The following FGF14 variants were observed in gnomAD, a reference collection of about 807,000 sequenced individuals.
The protein encoded by FGF14 is fibroblast growth factor 14, also known as fibroblast growth factor homologous factor 4.
In FGF14, 5 loss-of-function variants were observed where a neutral mutation model predicts 25.5. That is an observed-to-expected ratio of 0.20 (90% CI 0.10 to 0.41). The LOEUF (loss-of-function observed/expected upper bound fraction) is 0.41. FGF14 is among the 10% of genes least tolerant of loss of function. FGF14 has a pLI of 1.00. For synonymous variants in FGF14, 138 were observed against 118.3 expected, an observed-to-expected ratio of 1.17 and a Z score of -1.08; for missense variants, 222 against 320.1, an observed-to-expected ratio of 0.69 and a Z score of 2.34.
intron 1 of FGF14, among the ~76,000 whole-genome samples, chr13:101,986,621 G>A (rs1443847077): frequency 2.0e-5 from 3 of 152,026 alleles, no homozygotes; most frequent in African/African-American, 2.4e-5. Context: ...TTAAAAATGA[G>A]GCTTAGAAAA....
rs531838822 is a variant in FGF14, at chr13:101,933,214, C to T, written c.209-57918G>A. On this transcript the variant is annotated intron_variant, in intron 1 of 4. Transcript: ENST00000376131. ...ATCCATTAAAACTAACCAAAGTTAT[C>T]GATATCCCTTTTCTTGGCCTCTTTG... Among the ~76,000 whole-genome samples, 93 of 152,224 alleles carry T rather than the reference C, an allele frequency of 6.1e-4. No individual in the cohort carries two copies. The Middle Eastern group carries it at 0.014, about 22-fold the overall frequency.
intron 3 of FGF14, among the ~76,000 whole-genome samples, chr13:101,787,975 G>T (rs1220594861): frequency 6.6e-6 from 1 of 152,164 alleles, no homozygotes; most frequent in Non-Finnish European, 1.5e-5. Flanking sequence ...AGGTTCAAGT[G>T]ATTCTCCGGC....
rs111624082 is a variant in FGF14 at position 102,327,810 on chromosome 13, A to G, written c.208+73661T>C. Among the ~76,000 whole-genome samples, 456 of 152,000 alleles carry G rather than the reference A, an allele frequency of 3.0e-3. 2 individuals carry two copies. Among genetic ancestry groups the G allele is most frequent in the African/African-American group, 0.01 (433 of 41,470 alleles). ...GCCATGGTGGTGCCACTGCACCCCA[A>G]TCTGACAGAGTGAGACCATGTCTCC... On this transcript the variant is annotated intron_variant, in intron 1 of 4. Transcript: ENST00000376131.
chr13:101,716,259 G>A lies in FGF14; in HGVS notation c.*6572C>T, dbSNP rs2034717924. ...GACAATGAAGACAAGCACACAGGAG[G>A]TAGAATATCAGAGTGGGGCTGGATC... On this transcript the variant is annotated 3_prime_UTR_variant, in exon 5 of 5. Transcript: ENST00000376143. 1 of 152,108 alleles carries A rather than the reference G, an allele frequency of 6.6e-6. No homozygotes were observed. The highest frequency in any genetic ancestry group is 1.5e-5 in the Non-Finnish European group (1 of 68,020). 9.4% of individuals were successfully genotyped at this position (152,108 alleles called of 1,614,324 possible).
intron 3 of FGF14, among the ~76,000 whole-genome samples, chr13:101,789,342 A>G (rs1048113425): frequency 3.3e-5 from 5 of 152,030 alleles, no homozygotes; most frequent in Admixed American, 2.6e-4. Flanking sequence ...GCAAGTACCT[A>G]ATATTATCAA....
At chr13:102,373,739 C>T (rs1277872437) in intron 1 of FGF14, 1 of 152,110 alleles carries the variant, frequency 6.6e-6, no homozygotes, top group Non-Finnish European at 1.5e-5. Flanking sequence ...ATGGAATAAA[C>T]ACAAGTCAAA....
At chr13:102,124,991 A>G (rs189256966) in intron 1 of FGF14, among the ~76,000 whole-genome samples, 221 of 152,258 alleles carry the variant, frequency 1.5e-3, no homozygotes, top group Middle Eastern at 6.8e-3. Flanking sequence ...AAGTTTCTGA[A>G]GTTCAGCAAA....
chr13:101,771,486 T>C (rs2038766683), intron 3 of FGF14, among the ~76,000 whole-genome samples: 1 of 152,106 alleles, frequency 6.6e-6, no homozygotes, highest in South Asian at 2.1e-4. Flanking sequence ...TGTTGAGTAG[T>C]AAGTCTGTGC....
chr13:102,100,652 T>C (rs890379585), intron 1 of FGF14, among the ~76,000 whole-genome samples: 1 of 152,210 alleles, frequency 6.6e-6, no homozygotes, highest in Non-Finnish European at 1.5e-5. Context: ...CAGAATGATT[T>C]AGCCTCCTGT....
rs537638551 is a variant in FGF14, at chr13:102,357,212, G to A, written c.208+44259C>T. On this transcript the variant is annotated intron_variant, in intron 1 of 4. Coordinates refer to the FGF14 transcript ENST00000376131. ...AGGACACCAGGTTGCACACCTCGAG[G>A]GTGTAGGATGTACATTATACATCTT... Among the ~76,000 whole-genome samples, 27 of 151,652 alleles carry A rather than the reference G, an allele frequency of 1.8e-4. No individual in the cohort carries two copies. In the South Asian group the frequency reaches 5.6e-3, roughly 32 times the overall value.
At chr13:101,915,887 T>C (rs938478095) in intron 1 of FGF14, among the ~76,000 whole-genome samples, 4 of 152,224 alleles carry the variant, frequency 2.6e-5, no homozygotes, top group African/African-American at 9.6e-5. Flanking sequence ...AGCCTTCTGC[T>C]GAACCTCAGC....
intron 3 of FGF14, among the ~76,000 whole-genome samples, chr13:101,777,817 A>C (rs1252946724): frequency 1.3e-5 from 2 of 152,058 alleles, no homozygotes; most frequent in Admixed American, 1.3e-4. Context: ...CGAAAAAATT[A>C]GTTGGGCATG....
intron 1 of FGF14, among the ~76,000 whole-genome samples, chr13:102,205,302 AG>A (rs2049853536): frequency 2.0e-5 from 3 of 152,226 alleles, no homozygotes; most frequent in African/African-American, 2.4e-5. Flanking sequence ...ACTGATATAA[AG>A]TCTAAATGAG....
chr13:102,267,468 T>C (rs138190494), intron 1 of FGF14, among the ~76,000 whole-genome samples: 3 of 152,278 alleles, frequency 2.0e-5, no homozygotes, highest in South Asian at 2.1e-4. Flanking sequence ...GTCAAGTGTA[T>C]AGACAAAAAT....
intron 3 of FGF14, among the ~76,000 whole-genome samples, chr13:101,763,468 T>C (rs2038174082): frequency 6.6e-6 from 1 of 152,238 alleles, no homozygotes; most frequent in Non-Finnish European, 1.5e-5. Context: ...GAGACAGGCA[T>C]AGTGAAGGAA....
chr13:101,827,280 C>G (rs1177682570), intron 3 of FGF14, among the ~76,000 whole-genome samples: 1 of 151,820 alleles, frequency 6.6e-6, no homozygotes, highest in African/African-American at 2.4e-5. Context: ...TTTATATTTA[C>G]AATGCACATA....
rs576197656 is a variant in FGF14, at chr13:102,203,961, T to C, written c.208+197510A>G. 5.3e-5 allele frequency among the ~76,000 whole-genome samples: 8 copies of C among 152,336 alleles called. No homozygotes were observed. In the East Asian group the frequency reaches 5.8e-4, roughly 11 times the overall value. On this transcript the variant is annotated intron_variant, in intron 1 of 4. Coordinates refer to the FGF14 transcript ENST00000376131. ...GGCTTCTGACAGAACAACTGGTTTA[T>C]GCTCAGTGGGAAAGACTACATGACC...
intron 1 of FGF14, among the ~76,000 whole-genome samples, chr13:102,382,017 A>C (rs140711282): frequency 4.6e-5 from 7 of 152,292 alleles, no homozygotes; most frequent in African/African-American, 1.7e-4. Context: ...ACAGACCTAT[A>C]TAAGGGCTAA....
At chr13:101,950,751 G>GTTTTTTTTTTTTTTTTTTTT (rs61285721) in intron 1 of FGF14, among the ~76,000 whole-genome samples, 2 of 131,972 alleles carry the variant, frequency 1.5e-5, no homozygotes, top group Non-Finnish European at 3.2e-5. Flanking sequence ...ACCTAATCAT[G>GTTTTTTTTTTTTTTTTTTTT]TTTTTTTTTT....
Sources: allele counts gnomAD v4.1 joint callset (sites outside exome capture counted in the v4.1 genomes callset), GRCh38; gene constraint gnomAD v4.1.1; transcripts MANE v1.5; gene names NCBI Gene and HGNC (gene_info 2026-07-23, HGNC 2026-07-21).